CPA1: variants seen among roughly 807,000 people sequenced by gnomAD.
CPA1 encodes the protein carboxypeptidase A1 (pancreatic).
Under a neutral mutation model 48.7 loss-of-function variants are expected in CPA1, and 42 were observed. That is an observed-to-expected ratio of 0.86 (90% confidence interval 0.67 to 1.11). CPA1 has a LOEUF of 1.11. Among genes scored for constraint, CPA1 ranks in the 50% most tolerant of loss-of-function variants. The probability of loss-of-function intolerance (pLI) is 0.00; values close to 1 mark genes in which losing one functional copy is unlikely to be tolerated. For missense variants in CPA1, 477 were observed against 544.7 expected, an observed-to-expected ratio of 0.88 and a Z score of 1.24; for synonymous variants, 203 against 217.9, an observed-to-expected ratio of 0.93 and a Z score of 0.60.
chr7:130,383,288 G>A, intron 4 of CPA1, 103 bp from the exon 5 acceptor site: 1 of 835,064 alleles, frequency 1.2e-6, no homozygotes, highest in South Asian at 1.4e-5. Context: ...GAGATACACA[G>A]AGAGCAGGTG....
At position 130,383,458 on chromosome 7, in the gene CPA1, T is replaced by C. The variant is rs1554411496; in HGVS notation, c.551T>C (p.Val184Ala). 1 of 1,614,166 alleles carries C rather than the reference T, an allele frequency of 6.2e-7. No individual in the cohort carries two copies. The highest frequency in any genetic ancestry group is 8.5e-7 in the Non-Finnish European group (1 of 1,180,032). Residue 184 changes from valine to alanine, a missense_variant, in exon 5 of 10, where the codon GTC becomes GCC. Coordinates refer to ENST00000011292, the MANE Select transcript of CPA1 (RefSeq NM_001868.4). ...ACGGGCATCCATTCCCGGGAGTGGGTCACCCAGGCCAGTGGGGTCTGGTTT... is the reference window on the plus strand; with the variant it reads ...ACGGGCATCCATTCCCGGGAGTGGGCCACCCAGGCCAGTGGGGTCTGGTTT... ...IDTGIHSREW[V>A]TQASGVWFAK...
At position 130,381,166 on chromosome 7, in the gene CPA1, T is replaced by C. The variant is rs368139803; in HGVS notation, c.134T>C (p.Leu45Pro). Residue 45 changes from leucine to proline, a missense_variant, in exon 2 of 10, where the codon CTG (leucine) becomes CCG (proline). By Grantham distance (98) the Leu-to-Pro change is moderately conservative. Transcript: ENST00000011292. ...QVQKVKELED[L>P]EHLQLDFWRG... ...CAGAAGGTGAAGGAGCTGGAGGACC[T>C]GGAGCACCTGCAGGTCAGAAGAGGG... 1 of 1,612,814 alleles carries C rather than the reference T, an allele frequency of 6.2e-7. No homozygotes were observed. Among genetic ancestry groups the C allele is most frequent in the African/African-American group, 1.3e-5 (1 of 74,868 alleles).
Position 130,385,197 on chromosome 7 carries a change from C to G in CPA1, c.839C>G (p.Ala280Gly). Residue 280 changes from alanine to glycine, a missense_variant, in exon 8 of 10, where the codon GCC (alanine) becomes GGC (glycine). By Grantham distance (60) the Ala-to-Gly change is moderately conservative. Transcript: ENST00000011292. ...TCGGAGACTTACCACGGCAAGTTTG[C>G]CAATTCCGAAGTGGAGGTCAAGTCC... ...PCSETYHGKF[A>G]NSEVEVKSIV... The G allele has an allele frequency of 6.2e-7, 1 of 1,614,244 alleles. No homozygotes were observed. The highest frequency in any genetic ancestry group is 8.5e-7 in the Non-Finnish European group (1 of 1,180,050).
intron 9 of CPA1, among the ~76,000 whole-genome samples, chr7:130,386,257 G>A (rs1796473254): frequency 6.6e-6 from 1 of 152,040 alleles, no homozygotes; most frequent in African/African-American, 2.4e-5. Context: ...CGGGGGCAGG[G>A]CACCGTGGCT....
chr7:130,382,030 G>T, intron 3 of CPA1, 78 bp from the exon 4 acceptor site: 2 of 1,309,286 alleles, frequency 1.5e-6, no homozygotes, highest in Admixed American at 3.5e-5. Flanking sequence ...CAGCAGGCTG[G>T]GACGGTGGGG....
chr7:130,386,204 G>C (rs1244673791), intron 9 of CPA1, among the ~76,000 whole-genome samples: 1 of 151,916 alleles, frequency 6.6e-6, no homozygotes, highest in Admixed American at 6.6e-5. Context: ...GTCCTGCTGG[G>C]ATTTGCAGAT....
In CPA1 at chr7:130,382,145, C is replaced by A; in HGVS notation, c.419C>A (p.Pro140Gln). 6.2e-7 allele frequency: 1 copy of A among 1,614,206 alleles called. No individual in the cohort carries two copies. The highest frequency in any genetic ancestry group is 8.5e-7 in the Non-Finnish European group (1 of 1,180,034). Residue 140 changes from proline (P) to glutamine (Q), a missense_variant, in exon 4 of 10, where the codon CCG becomes CAG. Pro to Gln is a moderately conservative substitution (Grantham distance 76, BLOSUM62 -1). Transcript: ENST00000011292. Reference protein sequence around the residue: ...DFLDLLVAENPHLVSKIQIGN... With the variant: ...DFLDLLVAENQHLVSKIQIGN... ...CTGGACCTGCTGGTGGCGGAGAACC[C>A]GCACCTTGTCAGCAAGATCCAGATT...
chr7:130,381,897 C>T, intron 3 of CPA1, 34 bp downstream of exon 3: 1 of 1,583,308 alleles, frequency 6.3e-7, no homozygotes, highest in Non-Finnish European at 8.6e-7. Flanking sequence ...TCCCTGCAGC[C>T]ACCAGCTCTT....
intron 7 of CPA1, 133 bp from the exon 8 acceptor site, chr7:130,385,013 G>T: frequency 2.3e-6 from 2 of 881,614 alleles, no homozygotes; most frequent in South Asian, 1.6e-5. Flanking sequence ...GAAGGCCTTT[G>T]GGCTTTCCTG....
At chr7:130,384,028 C>G in intron 6 of CPA1, 1 of 554,930 alleles carries the variant, frequency 1.8e-6, no homozygotes, top group Non-Finnish European at 3.2e-6. Context: ...ACCTTACACC[C>G]ATTCAATGCC....
intron 7 of CPA1, 120 bp from the exon 8 acceptor site, chr7:130,385,026 T>C: frequency 1.0e-6 from 1 of 1,004,438 alleles, no homozygotes; most frequent in Non-Finnish European, 1.5e-6. Flanking sequence ...CTTTCCTGAA[T>C]CCAGGGGTGG....
Position 130,380,785 on chromosome 7 carries a change from G to T in CPA1, c.65+200G>T, listed in dbSNP as rs958445900. On this transcript the variant is annotated intron_variant, in intron 1 of 9. Transcript: ENST00000011292. Reference sequence around the variant, plus strand: ...CCAAGACAGTCTCCTGAGCCCTGGAGAAACCTGAGCTCTGAGGAGGAGTTT... The same window carrying T: ...CCAAGACAGTCTCCTGAGCCCTGGATAAACCTGAGCTCTGAGGAGGAGTTT... 5 of 543,566 alleles carry T rather than the reference G, an allele frequency of 9.2e-6. No homozygotes were observed. In the Admixed American group the frequency reaches 1.3e-4, roughly 15 times the overall value. 33.7% of individuals were successfully genotyped at this position (543,566 alleles called of 1,614,324 possible).
In CPA1 at chr7:130,385,223, A is replaced by G. The variant is rs782170635; in HGVS notation, c.865A>G (p.Ile289Val). The G allele has an allele frequency of 5.0e-6, 8 of 1,614,136 alleles. No individual in the cohort carries two copies. The highest frequency in any genetic ancestry group is 3.3e-5 in the Admixed American group (2 of 60,012). The change falls in exon 8 of 10, where the codon ATT (isoleucine) becomes GTT (valine). Residue 289 changes from isoleucine (I) to valine (V), a missense_variant. Coordinates refer to ENST00000011292, the MANE Select transcript of CPA1 (RefSeq NM_001868.4). The part of the protein sequence containing the change: ...FANSEVEVKS[I>V]VDFVKDHGNI... Reference sequence around the variant, plus strand: ...CAATTCCGAAGTGGAGGTCAAGTCCATTGTAGACTTTGTGAAGGACCATGG... The same window carrying G: ...CAATTCCGAAGTGGAGGTCAAGTCCGTTGTAGACTTTGTGAAGGACCATGG...
chr7:130,387,926 C>T lies in CPA1; in HGVS notation c.1175C>T (p.Pro392Leu), dbSNP rs1425735342. Reference protein sequence around the residue: ...RDTGRYGFLLPASQIIPTAKE... With the variant: ...RDTGRYGFLLLASQIIPTAKE... ...ACTGGGCGCTATGGCTTCCTGCTGC[C>T]AGCCTCCCAGATCATCCCCACAGCC... Residue 392 changes from proline (P) to leucine (L), a missense_variant, in exon 10 of 10, where the codon CCA (proline) becomes CTA (leucine). Transcript: ENST00000011292. The surrounding 1 kb of genome is among the most constrained non-coding windows in gnomAD (Gnocchi z 4.6). 6.2e-7 allele frequency: 1 copy of T among 1,614,066 alleles called. No individual in the cohort carries two copies. Among genetic ancestry groups the T allele is most frequent in the Non-Finnish European group, 8.5e-7 (1 of 1,180,040 alleles).
chr7:130,383,720 G>A lies in CPA1; in HGVS notation c.622G>A (p.Ala208Thr), dbSNP rs34474469. 46,588 of 1,613,946 alleles carry A rather than the reference G, an allele frequency of 0.029. 832 individuals are homozygous for A. Among genetic ancestry groups the A allele is most frequent in the South Asian group, 0.037 (3,354 of 91,080 alleles). Reference protein sequence around the residue: ...QDYGQDAAFTAILDTLDIFLE... With the variant: ...QDYGQDAAFTTILDTLDIFLE... ...CTACGGGCAGGATGCAGCTTTCACC[G>A]CCATTCTCGACACCTTGGACATCTT... is the stretch of plus-strand genomic sequence containing the variant. Residue 208 changes from alanine (A) to threonine (T), a missense_variant, in exon 6 of 10, where the codon GCC (alanine) becomes ACC (threonine). By Grantham distance (58) the Ala-to-Thr change is moderately conservative. Coordinates refer to ENST00000011292, the MANE Select transcript of CPA1 (RefSeq NM_001868.4).
At chr7:130,385,411 C>T in intron 8 of CPA1, 66 bp downstream of exon 8, 1 of 1,436,260 alleles carries the variant, frequency 7.0e-7, no homozygotes, top group Non-Finnish European at 9.8e-7. Flanking sequence ...AGGCTTTCCC[C>T]CATCAGACCT....
chr7:130,386,614 C>T (rs1316104291), intron 9 of CPA1, among the ~76,000 whole-genome samples: 1 of 152,106 alleles, frequency 6.6e-6, no homozygotes, highest in Non-Finnish European at 1.5e-5. Context: ...CTTACTTATT[C>T]ATGCAGTGCC....
At position 130,384,632 on chromosome 7, in the gene CPA1, G is replaced by A. The variant is rs782503482; in HGVS notation, c.787+6G>A. The A allele has an allele frequency of 6.2e-7, 1 of 1,611,996 alleles. No homozygotes were observed. The highest frequency in any genetic ancestry group is 1.7e-5 in the Admixed American group (1 of 60,028). ...CTGGGACGCTGGCTTTGGGTGTAAGGCCCAGAGTGTCTTGGGAGCAAGGAT... is the reference window on the plus strand; with the variant it reads ...CTGGGACGCTGGCTTTGGGTGTAAGACCCAGAGTGTCTTGGGAGCAAGGAT... On this transcript the variant is annotated splice_donor_region_variant and intron_variant, in intron 7 of 9. Coordinates refer to ENST00000011292, the MANE Select transcript of CPA1 (RefSeq NM_001868.4).
chr7:130,382,551 T>A (rs1554411375), intron 4 of CPA1, among the ~76,000 whole-genome samples: 1 of 150,656 alleles, frequency 6.6e-6, no homozygotes, highest in South Asian at 2.1e-4. Context: ...GCAACCTCCA[T>A]CTCCTGGGTT....
Sources: allele counts gnomAD v4.1 joint callset (sites outside exome capture counted in the v4.1 genomes callset), GRCh38; gene constraint gnomAD v4.1.1; non-coding constraint Gnocchi (gnomAD v3.1); transcripts MANE v1.5; gene names NCBI Gene and HGNC (gene_info 2026-07-23, HGNC 2026-07-21).